Variants in CD37 observed in about 807,000 individuals in gnomAD.
CD37 encodes CD37 molecule.
CD37 carries 37 observed loss-of-function variants against 38.9 expected under a neutral mutation model. The ratio of observed to expected loss-of-function variants is 0.95; its 90% CI spans 0.73 to 1.25. The LOEUF (loss-of-function observed/expected upper bound fraction) is 1.25. CD37 is among the 50% of genes most tolerant of loss of function. The pLI is 0.00. For missense variants in CD37, 351 were observed against 360.1 expected (o/e 0.97, Z 0.20); for synonymous variants, 146 against 150.1 (o/e 0.97, Z 0.20).
chr19:49,337,590 C>CA (rs1971004678), intron 4 of CD37: 1 of 1,389,730 alleles, frequency 7.2e-7, no homozygotes, highest in African/African-American at 1.4e-5. Context: ...GCCTGGGTGA[C>CA]AGAGTGAGAC....
rs753238158 is a variant in CD37, at chr19:49,339,481, G to C, written c.768+68G>C. The C allele has an allele frequency of 6.4e-7, 1 of 1,558,138 alleles. No homozygotes were observed. Among genetic ancestry groups the C allele is most frequent in the East Asian group, 2.2e-5 (1 of 44,624 alleles). ...TAGATGGCCCTGCCCTTCATTTCGC[G>C]TCCTTCGGTTGCCTGGGAAGGACGA... On this transcript the variant is annotated intron_variant, in intron 7 of 7. Transcript: ENST00000323906. This position sits in a 1 kb window ranked among gnomAD's most constrained non-coding sequence, Gnocchi z 4.5.
In CD37 at chr19:49,340,454, C is replaced by A; in HGVS notation, c.*126C>A. 1 of 736,942 alleles carries A rather than the reference C, an allele frequency of 1.4e-6. No individual in the cohort carries two copies. Among genetic ancestry groups the A allele is most frequent in the Non-Finnish European group, 2.4e-6 (1 of 417,232 alleles). The allele number at this position is 736,942 out of a possible 1,614,324, so 45.7% of individuals were successfully genotyped here. A position where few individuals can be genotyped will look rare whatever the true frequency, so the allele number is the denominator to read the frequency against. On this transcript the variant is annotated 3_prime_UTR_variant, in exon 8 of 8. Coordinates refer to ENST00000323906, the MANE Select transcript of CD37 (RefSeq NM_001774.3). ...CTCCGCCTTCACATTCCCCTGGGGA[C>A]CCACGTGGCTGCGTGCCCCTGCTGC...
At position 49,339,379 on chromosome 19, in the gene CD37, T is replaced by C. The variant is rs780075647; in HGVS notation, c.734T>C (p.Ile245Thr). Residue 245 changes from isoleucine to threonine, a missense_variant, in exon 7 of 8, where the codon ATA (isoleucine) becomes ACA (threonine). Ile to Thr is a moderately conservative substitution (Grantham distance 89). Coordinates refer to ENST00000323906, the MANE Select transcript of CD37 (RefSeq NM_001774.3). This position sits in a 1 kb window ranked among gnomAD's most constrained non-coding sequence, Gnocchi z 4.5. ...TGGCTGCACAACAACCTTATTTCCA[T>C]AGTGGGCATTTGCCTGGGCGTCGGC... ...QKWLHNNLIS[I>T]VGICLGVGLL... is the part of the protein sequence containing the mutation. 5.6e-6 allele frequency: 9 copies of C among 1,613,846 alleles called. No homozygotes were observed. The highest frequency in any genetic ancestry group is 4.4e-5 in the South Asian group (4 of 91,090).
chr19:49,338,009 T>C lies in CD37; in HGVS notation c.427T>C (p.Trp143Arg). Residue 143 changes from tryptophan to arginine, a missense_variant, in exon 5 of 8, where the codon TGG becomes CGG. Coordinates refer to ENST00000323906, the MANE Select transcript of CD37 (RefSeq NM_001774.3). The surrounding 1 kb of genome is among the most constrained non-coding windows in gnomAD (Gnocchi z 5.0). Reference sequence around the variant, plus strand: ...CGAGGAGACCGCGGCCGAGGAGAGCTGGGACTATGTGCAGTTCCAGGTAAG... The same window carrying C: ...CGAGGAGACCGCGGCCGAGGAGAGCCGGGACTATGTGCAGTTCCAGGTAAG... Reference protein sequence around the residue: ...NPEETAAEESWDYVQFQLRCC... With the variant: ...NPEETAAEESRDYVQFQLRCC... 6.2e-7 allele frequency: 1 copy of C among 1,613,986 alleles called. No individual in the cohort carries two copies. Among genetic ancestry groups the C allele is most frequent in the East Asian group, 2.2e-5 (1 of 44,870 alleles).
rs1249435005 is a variant in CD37 at position 49,340,257 on chromosome 19, T to G, written c.775T>G (p.Phe259Val). Residue 259 changes from phenylalanine (F) to valine (V), a missense_variant, in exon 8 of 8, where the codon TTC becomes GTC. Phe to Val is a conservative substitution (Grantham distance 50, BLOSUM62 -1). Coordinates refer to ENST00000323906, the MANE Select transcript of CD37 (RefSeq NM_001774.3). ...CLGVGLLELGFMTLSIFLCRN... is the reference protein window; with the variant it reads ...CLGVGLLELGVMTLSIFLCRN... ...TCATCTCCTTTCTCTATAGCTCGGG[T>G]TCATGACGCTCTCGATATTCCTGTG... The G allele has an allele frequency of 6.2e-7, 1 of 1,613,442 alleles. No homozygotes were observed. Among genetic ancestry groups the G allele is most frequent in the Non-Finnish European group, 8.5e-7 (1 of 1,179,694 alleles).
Position 49,338,632 on chromosome 19 carries a change from C to G in CD37, c.448-68C>G. ...CCCGACCTGACCTCATACCCATCAC[C>G]TTGTCCCCTGATCCCCAACATCATA... is the stretch of plus-strand genomic sequence containing the variant. On this transcript the variant is annotated intron_variant, in intron 5 of 7. Coordinates refer to ENST00000323906, the MANE Select transcript of CD37 (RefSeq NM_001774.3). The surrounding 1 kb of genome is among the most constrained non-coding windows in gnomAD (Gnocchi z 5.0). 1 of 1,199,694 alleles carries G rather than the reference C, an allele frequency of 8.3e-7. No homozygotes were observed. 74.3% of individuals were successfully genotyped at this position (1,199,694 alleles called of 1,614,324 possible).
chr19:49,337,715 A>C, intron 4 of CD37: 1 of 1,534,472 alleles, frequency 6.5e-7, no homozygotes, highest in Non-Finnish European at 8.7e-7. Flanking sequence ...AGAAAGAAAT[A>C]GACGCCCTGA....
In CD37 at chr19:49,339,326, C is replaced by T. The variant is rs370909429; in HGVS notation, c.685-4C>T. 150 of 1,613,576 alleles carry T rather than the reference C, an allele frequency of 9.3e-5. 1 individual carries two copies. The highest frequency in any genetic ancestry group is 6.9e-4 in the East Asian group (31 of 44,890). On this transcript the variant is annotated splice_region_variant and splice_polypyrimidine_tract_variant and intron_variant, in intron 6 of 7. Coordinates refer to ENST00000323906, the MANE Select transcript of CD37 (RefSeq NM_001774.3). This position sits in a 1 kb window ranked among gnomAD's most constrained non-coding sequence, Gnocchi z 4.5. ...TCCCTTTAACTTTTCCCTACACCCC[C>T]CAGGGCTGCGCGCAGGGCCTCCAGA...
Position 49,338,141 on chromosome 19 carries a change from C to A in CD37, c.447+112C>A. 2 of 1,480,644 alleles carry A rather than the reference C, an allele frequency of 1.4e-6. No homozygotes were observed. The highest frequency in any genetic ancestry group is 1.8e-6 in the Non-Finnish European group (2 of 1,115,544). The allele number at this position is 1,480,644 out of a possible 1,614,324, so 91.7% of individuals were successfully genotyped here. A position where few individuals can be genotyped will look rare whatever the true frequency, so the allele number is the denominator to read the frequency against. On this transcript the variant is annotated intron_variant, in intron 5 of 7. Coordinates refer to ENST00000323906, the MANE Select transcript of CD37 (RefSeq NM_001774.3). This position sits in a 1 kb window ranked among gnomAD's most constrained non-coding sequence, Gnocchi z 5.0. ...CCCCAGCTCTACGATCCTAACACAC[C>A]CCAATCCCTCCCAGGCCCGACGCTC...
In CD37 at chr19:49,335,477, T is replaced by C. The variant is rs1339725614; in HGVS notation, c.-64T>C. ...CTCTCTCAGCCTCTTTCTTTCTCCC[T>C]GTCTCCCCCACTGTCAGCACCTCTT... On this transcript the variant is annotated 5_prime_UTR_variant, in exon 1 of 8. Transcript: ENST00000323906. This position sits in a 1 kb window ranked among gnomAD's most constrained non-coding sequence, Gnocchi z 4.6. 1 of 1,126,438 alleles carries C rather than the reference T, an allele frequency of 8.9e-7. No homozygotes were observed. Among genetic ancestry groups the C allele is most frequent in the South Asian group, 1.2e-5 (1 of 80,460 alleles). The allele number at this position is 1,126,438 out of a possible 1,614,324, so 69.8% of individuals were successfully genotyped here. A position where few individuals can be genotyped will look rare whatever the true frequency, so the allele number is the denominator to read the frequency against.
At chr19:49,340,040 C>A in intron 7 of CD37, 1 of 1,494,842 alleles carries the variant, frequency 6.7e-7, no homozygotes. Context: ...CCTTCTCAGC[C>A]TCTACCCCCA....
At chr19:49,337,692 AAGAG>A (rs755492587) in intron 4 of CD37, 4 of 1,530,466 alleles carry the variant, frequency 2.6e-6, no homozygotes, top group Admixed American at 2.0e-5. Context: ...ACACGGGAAA[AAGAG>A]AGAACAAGAG....
At position 49,337,994 on chromosome 19, in the gene CD37, G is replaced by C; in HGVS notation, c.412G>C (p.Ala138Pro). 6.2e-7 allele frequency: 1 copy of C among 1,614,006 alleles called. No individual in the cohort carries two copies. The highest frequency in any genetic ancestry group is 8.5e-7 in the Non-Finnish European group (1 of 1,179,960). Reference protein sequence around the residue: ...QKYGTNPEETAAEESWDYVQF... With the variant: ...QKYGTNPEETPAEESWDYVQF... ...GTACGGCACCAACCCCGAGGAGACC[G>C]CGGCCGAGGAGAGCTGGGACTATGT... The change falls in exon 5 of 8, where the codon GCG becomes CCG. Residue 138 changes from alanine (A) to proline (P), a missense_variant. By Grantham distance (27) the Ala-to-Pro change is conservative (BLOSUM62 -1). Transcript: ENST00000323906.
Position 49,339,220 on chromosome 19 carries a change from G to T in CD37, c.685-110G>T. The T allele has an allele frequency of 1.0e-6, 1 of 962,128 alleles. No individual in the cohort carries two copies. The highest frequency in any genetic ancestry group is 1.5e-5 in the South Asian group (1 of 68,366). 59.6% of individuals were successfully genotyped at this position (962,128 alleles called of 1,614,324 possible). On this transcript the variant is annotated intron_variant, in intron 6 of 7. Transcript: ENST00000323906. The surrounding 1 kb of genome is among the most constrained non-coding windows in gnomAD (Gnocchi z 4.5). ...GGAGACTAGAGTGCCCTGGTGACTA[G>T]GGGAGCGGGTAGATGCCTGAAGACG...
chr19:49,339,033 C>A lies in CD37; in HGVS notation c.684+97C>A. 1 of 1,022,944 alleles carries A rather than the reference C, an allele frequency of 9.8e-7. No individual in the cohort carries two copies. The highest frequency in any genetic ancestry group is 1.4e-5 in the South Asian group (1 of 70,298). The allele number at this position is 1,022,944 out of a possible 1,614,324, so 63.4% of individuals were successfully genotyped here. A position where few individuals can be genotyped will look rare whatever the true frequency, so the allele number is the denominator to read the frequency against. The stretch of plus-strand genomic sequence containing the variant: ...GTAGCGGCCTGAGAAAGGGCGGGGT[C>A]TACGAGAAAAGGAAAGGTACGGCAG... On this transcript the variant is annotated intron_variant, in intron 6 of 7. Coordinates refer to ENST00000323906, the MANE Select transcript of CD37 (RefSeq NM_001774.3). This position sits in a 1 kb window ranked among gnomAD's most constrained non-coding sequence, Gnocchi z 4.5.
intron 4 of CD37, chr19:49,337,632 A>C (rs1971006167): frequency 4.0e-6 from 6 of 1,491,312 alleles, no homozygotes; most frequent in Non-Finnish European, 5.4e-6. Context: ...ATAGAAAGAC[A>C]CACCGACCTG....
rs1971095249 is a variant in CD37, at chr19:49,339,259, T to G, written c.685-71T>G. ...TGCCTGAAGACGGTGAGGGTTGGCCTGAAAAGAACGCTGGGCCTGGGCTTG... is the reference window on the plus strand; with the variant it reads ...TGCCTGAAGACGGTGAGGGTTGGCCGGAAAAGAACGCTGGGCCTGGGCTTG... On this transcript the variant is annotated intron_variant, in intron 6 of 7. Coordinates refer to ENST00000323906, the MANE Select transcript of CD37 (RefSeq NM_001774.3). This position sits in a 1 kb window ranked among gnomAD's most constrained non-coding sequence, Gnocchi z 4.5. 3.5e-6 allele frequency: 5 copies of G among 1,421,844 alleles called. No individual in the cohort carries two copies. The highest frequency in any genetic ancestry group is 4.9e-6 in the Non-Finnish European group (5 of 1,014,586). 88.1% of individuals were successfully genotyped at this position (1,421,844 alleles called of 1,614,324 possible). A position where few individuals can be genotyped will look rare whatever the true frequency, so the allele number is the denominator to read the frequency against.
At position 49,338,861 on chromosome 19, in the gene CD37, G is replaced by A. The variant is rs994976857; in HGVS notation, c.609G>A (p.Arg203=). 3 of 1,614,002 alleles carry A rather than the reference G, an allele frequency of 1.9e-6. No individual in the cohort carries two copies. The highest frequency in any genetic ancestry group is 2.5e-6 in the Non-Finnish European group (3 of 1,180,032). Residue 203 remains arginine (R), a synonymous_variant, in exon 6 of 8, where the codon AGG becomes AGA. Transcript: ENST00000323906. The surrounding 1 kb of genome is among the most constrained non-coding windows in gnomAD (Gnocchi z 5.0). ...LDKVILPQLS[R]LGHLARSRHS... ...AGGTGATCTTGCCCCAGCTCAGCAG[G>A]CTTGGACACCTGGCGCGGTCCAGAC... is the stretch of plus-strand genomic sequence containing the variant.
chr19:49,339,075 T>C lies in CD37; in HGVS notation c.684+139T>C. The C allele has an allele frequency of 2.7e-6, 2 of 749,698 alleles. No individual in the cohort carries two copies. The highest frequency in any genetic ancestry group is 1.7e-5 in the South Asian group (1 of 60,290). The allele number at this position is 749,698 out of a possible 1,614,324, so 46.4% of individuals were successfully genotyped here. On this transcript the variant is annotated intron_variant, in intron 6 of 7. Transcript: ENST00000323906. This position sits in a 1 kb window ranked among gnomAD's most constrained non-coding sequence, Gnocchi z 4.5. Reference sequence around the variant, plus strand: ...GTACGGCAGGAGGGGCGGGGCCCTCTGAAGGGGGCGGGGTCTGCAGGAAGG... The same window carrying C: ...GTACGGCAGGAGGGGCGGGGCCCTCCGAAGGGGGCGGGGTCTGCAGGAAGG...
Sources: gnomAD v4.1 joint callset for allele counts on GRCh38, gnomAD v4.1.1 for gene constraint, Gnocchi (gnomAD v3.1) non-coding constraint, MANE v1.5 for transcripts, NCBI Gene and HGNC (gene_info 2026-07-23, HGNC 2026-07-21) for gene names.